Variants in RAD54L2 observed in about 807,000 individuals in gnomAD.
RAD54L2 encodes helicase ARIP4.
Under a neutral mutation model 138.4 loss-of-function variants are expected in RAD54L2, and 27 were observed. The observed-to-expected ratio is 0.20, with a 90% CI of 0.14 to 0.27. The LOEUF (loss-of-function observed/expected upper bound fraction) is 0.27, where lower values mean the gene tolerates loss of function less well. Among genes scored for constraint, RAD54L2 ranks in the 10% least tolerant of loss-of-function variants. The pLI, the probability that RAD54L2 is intolerant of heterozygous loss-of-function variation, is 1.00. For synonymous variants in RAD54L2, 644 were observed against 723.2 expected (o/e 0.89, Z 1.76); for missense variants, 1,396 against 1,890.2 (o/e 0.74, Z 4.85).
intron 9 of RAD54L2, 143 bp from the exon 10 acceptor site, chr3:51,635,450 A>C: frequency 1.1e-6 from 1 of 924,494 alleles, no homozygotes; most frequent in Non-Finnish European, 1.6e-6. Flanking sequence ...GCTTGCTGCC[A>C]CATGAAATCT....
intron 2 of RAD54L2, among the ~76,000 whole-genome samples, chr3:51,543,759 C>G (rs1698617647): frequency 6.6e-6 from 1 of 152,128 alleles, no homozygotes; most frequent in African/African-American, 2.4e-5. Context: ...CACATTTACT[C>G]TGGCACGTGA....
At position 51,639,971 on chromosome 3, in the gene RAD54L2, A is replaced by G; in HGVS notation, c.2203A>G (p.Lys735Glu). ...TTTCCACCTGATTGAGGAAAGTGTG[A>G]AGCTTGGGGACAAGATCCTTGTGTT... The part of the protein sequence containing the change: ...LLFHLIEESV[K>E]LGDKILVFSQ... Residue 735 changes from lysine to glutamate, a missense_variant, in exon 14 of 23, where the codon AAG becomes GAG. By Grantham distance (56) the Lys-to-Glu change is moderately conservative. Transcript: ENST00000684192. The G allele has an allele frequency of 6.2e-7, 1 of 1,608,704 alleles. No individual in the cohort carries two copies. The highest frequency in any genetic ancestry group is 8.5e-7 in the Non-Finnish European group (1 of 1,175,692).
At chr3:51,547,774 G>A (rs368347444) in intron 2 of RAD54L2, among the ~76,000 whole-genome samples, 48 of 152,156 alleles carry the variant, frequency 3.2e-4, no homozygotes, top group Admixed American at 7.9e-4. Flanking sequence ...GAGAGAGAGG[G>A]TTTTGCCATG....
At chr3:51,656,904 T>G (rs925879326) in intron 20 of RAD54L2, among the ~76,000 whole-genome samples, 1 of 152,026 alleles carries the variant, frequency 6.6e-6, no homozygotes, top group African/African-American at 2.4e-5. Flanking sequence ...CCCGGTGAAC[T>G]TTTTTGTATT....
At chr3:51,574,667 TC>T (rs1388296510) in intron 2 of RAD54L2, among the ~76,000 whole-genome samples, 1 of 152,274 alleles carries the variant, frequency 6.6e-6, no homozygotes, top group Non-Finnish European at 1.5e-5. Context: ...TCTGTTCATA[TC>T]CTTTAACCAC....
intron 2 of RAD54L2, among the ~76,000 whole-genome samples, chr3:51,545,679 G>A (rs775657406): frequency 7.1e-4 from 108 of 151,648 alleles, no homozygotes; most frequent in Admixed American, 2.3e-3. Flanking sequence ...TCTCAGGCTC[G>A]AGCAATCCTT....
chr3:51,572,881 G>A (rs1030957225), intron 2 of RAD54L2, among the ~76,000 whole-genome samples: 4 of 151,656 alleles, frequency 2.6e-5, no homozygotes, highest in Admixed American at 1.3e-4. Context: ...CTTGTGATTC[G>A]CCTGCCTCAG....
intron 2 of RAD54L2, among the ~76,000 whole-genome samples, chr3:51,584,520 A>G (rs9812682): frequency 0.011 from 1,630 of 151,918 alleles, 42 homozygotes; most frequent in African/African-American, 0.036. Context: ...TGTTTTGCAT[A>G]GGAAGGTATT....
At chr3:51,612,244 C>T (rs552310499) in intron 3 of RAD54L2, among the ~76,000 whole-genome samples, 26 of 152,156 alleles carry the variant, frequency 1.7e-4, no homozygotes, top group Non-Finnish European at 2.8e-4. Context: ...GCGGGCAGAT[C>T]ACCTGAGGTC....
intron 2 of RAD54L2, among the ~76,000 whole-genome samples, chr3:51,557,613 C>T (rs1191034693): frequency 2.0e-5 from 3 of 151,816 alleles, no homozygotes; most frequent in Admixed American, 6.6e-5. Context: ...GGGTGGATCA[C>T]GAGGTCAGGA....
At chr3:51,566,477 T>TG (rs2106651674) in intron 2 of RAD54L2, among the ~76,000 whole-genome samples, 1 of 131,986 alleles carries the variant, frequency 7.6e-6, no homozygotes, top group East Asian at 2.4e-4. Context: ...TTTTTTTTTT[T>TG]TTTTTTTTTT....
intron 2 of RAD54L2, among the ~76,000 whole-genome samples, chr3:51,586,926 C>T (rs1382148260): frequency 1.3e-5 from 2 of 151,982 alleles, no homozygotes; most frequent in Admixed American, 1.3e-4. Flanking sequence ...CTGTTTACAA[C>T]CATTGACTTC....
At chr3:51,644,036 G>T in intron 16 of RAD54L2, 62 bp downstream of exon 16, 1 of 1,345,234 alleles carries the variant, frequency 7.4e-7, no homozygotes, top group East Asian at 2.5e-5. Flanking sequence ...CACCTGGGCT[G>T]GTACCCCAAA....
chr3:51,559,626 A>G (rs1699053892), intron 2 of RAD54L2, among the ~76,000 whole-genome samples: 1 of 152,178 alleles, frequency 6.6e-6, no homozygotes. Flanking sequence ...TGAGGAATGC[A>G]TGTTTTCTGG....
chr3:51,607,948 C>T (rs1700236662), intron 3 of RAD54L2, among the ~76,000 whole-genome samples: 2 of 138,134 alleles, frequency 1.4e-5, no homozygotes, highest in South Asian at 2.2e-4. Flanking sequence ...TCCTCCCGGA[C>T]GGGGTGGCTG....
chr3:51,613,841 C>G (rs140714038), intron 3 of RAD54L2, among the ~76,000 whole-genome samples: 57 of 150,664 alleles, frequency 3.8e-4, no homozygotes, highest in African/African-American at 1.3e-3. Flanking sequence ...AGCGTTAATT[C>G]TGCTAAAGCA....
At position 51,663,532 on chromosome 3, in the gene RAD54L2, A is replaced by G; in HGVS notation, c.*112A>G. ...GGACACTTGGCAGGAGGGAAAAGGA[A>G]GAGGACAAAGGAGGGTGGTTGGCCA... On this transcript the variant is annotated 3_prime_UTR_variant, in exon 23 of 23. Transcript: ENST00000684192. 8.1e-7 allele frequency: 1 copy of G among 1,241,868 alleles called. No individual in the cohort carries two copies. Among genetic ancestry groups the G allele is most frequent in the Non-Finnish European group, 1.1e-6 (1 of 916,404 alleles). The allele number at this position is 1,241,868 out of a possible 1,614,324, so 76.9% of individuals were successfully genotyped here.
intron 3 of RAD54L2, among the ~76,000 whole-genome samples, chr3:51,612,703 A>C (rs898155783): frequency 1.2e-4 from 19 of 152,228 alleles, no homozygotes; most frequent in Admixed American, 5.9e-4. Context: ...AAAAAAAAAA[A>C]AAAAAACCTG....
At chr3:51,657,701 C>T in intron 21 of RAD54L2, 32 bp downstream of exon 21, 1 of 1,456,602 alleles carries the variant, frequency 6.9e-7, no homozygotes, top group South Asian at 1.2e-5. Context: ...TGTTCCCTGC[C>T]TTTGGTTGAG....
Sources: gnomAD v4.1 joint callset for allele counts (sites outside exome capture counted in the v4.1 genomes callset) on GRCh38, gnomAD v4.1.1 for gene constraint, MANE v1.5 for transcripts, NCBI Gene and HGNC (gene_info 2026-07-23, HGNC 2026-07-21) for gene names.